The following NXN variants were observed in gnomAD, a reference collection of about 807,000 sequenced individuals.
NXN encodes the protein nucleoredoxin 1.
Under a neutral mutation model 48.6 loss-of-function variants are expected in NXN, and 16 were observed. That is an observed-to-expected ratio of 0.33 (90% confidence interval 0.22 to 0.50). The LOEUF (loss-of-function observed/expected upper bound fraction) is 0.50. Ranked by LOEUF, NXN falls within the 20% of genes least tolerant of loss-of-function variation. The pLI, the probability that NXN is intolerant of heterozygous loss-of-function variation, is 0.98. For synonymous variants in NXN, 281 were observed against 269.6 expected (o/e 1.04, Z -0.41); for missense variants, 492 against 605.5 (o/e 0.81, Z 1.97).
At position 857,940 on chromosome 17, in the gene NXN, C is replaced by A. The variant is rs546759182; in HGVS notation, c.361-31862G>T. Among the ~76,000 whole-genome samples the A allele has an allele frequency of 7.8e-4, 118 of 151,888 alleles. 1 individual carries two copies. The highest frequency in any genetic ancestry group is 2.8e-4 in the Non-Finnish European group (19 of 67,968). On this transcript the variant is annotated intron_variant, in intron 1 of 7. Transcript: ENST00000336868. Reference sequence around the variant, plus strand: ...ATTACTAACGTTTCTCTAACACCTGCTCATCTTCCTTTTTAACCAAAGATA... The same window carrying A: ...ATTACTAACGTTTCTCTAACACCTGATCATCTTCCTTTTTAACCAAAGATA...
At position 823,720 on chromosome 17, in the gene NXN, G is replaced by A; in HGVS notation, c.524C>T (p.Ala175Val). 1 of 1,614,136 alleles carries A rather than the reference G, an allele frequency of 6.2e-7. No homozygotes were observed. The highest frequency in any genetic ancestry group is 8.5e-7 in the Non-Finnish European group (1 of 1,180,000). ...WGPKPFREVI[A>V]GPLLRNNGQS... ...CCCATTGTTTCTAAGCAAGGGCCCT[G>A]CAATGACTTCCCTGAAGGGTTTCGG... Residue 175 changes from alanine to valine, a missense_variant, in exon 3 of 8, where the codon GCA (alanine) becomes GTA (valine). By Grantham distance (64) the Ala-to-Val change is moderately conservative (BLOSUM62 0). Coordinates refer to ENST00000336868, the MANE Select transcript of NXN (RefSeq NM_022463.5).
rs1353755696 is a variant in NXN at position 979,000 on chromosome 17, C to T, written c.360+319G>A. Among the ~76,000 whole-genome samples the T allele has an allele frequency of 6.7e-6, 1 of 149,242 alleles. No individual in the cohort carries two copies. The highest frequency in any genetic ancestry group is 1.5e-5 in the Non-Finnish European group (1 of 67,244). The stretch of plus-strand genomic sequence containing the variant: ...CCCAGCGTGTGCGGACGGAGGGGCT[C>T]GAGCCGGGATCCCGGGGGCCGAGGG... On this transcript the variant is annotated intron_variant, in intron 1 of 7. Transcript: ENST00000336868. The surrounding 1 kb of genome is among the most constrained non-coding windows in gnomAD (Gnocchi z 4.1).
intron 1 of NXN, among the ~76,000 whole-genome samples, chr17:926,749 T>TG (rs34507445): frequency 1 from 151,376 of 151,614 alleles, 75,571 homozygotes; most frequent in Non-Finnish European, 1. Flanking sequence ...TTCGTCATGT[T>TG]CCCAAGCTGC....
In NXN at chr17:812,149, G is replaced by C. The variant is rs9891710; in HGVS notation, c.821-6902C>G. ...TCACCGTGTTAGCCAGGACGGTCTC[G>C]ATCTCCTGACCTCGTGATCCGCCCG... On this transcript the variant is annotated intron_variant, in intron 5 of 7. Coordinates refer to ENST00000336868, the MANE Select transcript of NXN (RefSeq NM_022463.5). Among the ~76,000 whole-genome samples the C allele has an allele frequency of 1.9e-3, 292 of 150,932 alleles. 2 individuals are homozygous for C. The highest frequency in any genetic ancestry group is 6.8e-3 in the African/African-American group (281 of 41,024).
intron 1 of NXN, chr17:842,612 G>A: frequency 2.1e-6 from 2 of 973,806 alleles, no homozygotes; most frequent in Non-Finnish European, 2.4e-6. Flanking sequence ...TCACTCCCCA[G>A]GCAACTTGGC....
intron 1 of NXN, among the ~76,000 whole-genome samples, chr17:868,719 C>G (rs879933104): frequency 6.6e-6 from 1 of 152,124 alleles, no homozygotes; most frequent in Non-Finnish European, 1.5e-5. Context: ...GTCTCGATTT[C>G]CTGACCTCGT....
At chr17:878,306 G>C (rs2068240200) in intron 1 of NXN, 1 of 150,764 alleles carries the variant, frequency 6.6e-6, no homozygotes, top group African/African-American at 2.5e-5. Flanking sequence ...GGGGACCCTG[G>C]GGGTCGACCA....
chr17:870,881 C>G (rs956218252), intron 1 of NXN, among the ~76,000 whole-genome samples: 6 of 151,538 alleles, frequency 4.0e-5, no homozygotes, highest in African/African-American at 1.2e-4. Flanking sequence ...ATTTTTGAGA[C>G]AGAGTCTCAC....
In NXN at chr17:978,115, C is replaced by A. The variant is rs1175320210; in HGVS notation, c.360+1204G>T. ...AATCATGCTTCTCAACAAGATTCTGCACATATAAAAGGAACACGTGGCACG... is the reference window on the plus strand; with the variant it reads ...AATCATGCTTCTCAACAAGATTCTGAACATATAAAAGGAACACGTGGCACG... On this transcript the variant is annotated intron_variant, in intron 1 of 7. Coordinates refer to ENST00000336868, the MANE Select transcript of NXN (RefSeq NM_022463.5). The surrounding 1 kb of genome is among the most constrained non-coding windows in gnomAD (Gnocchi z 4.1). Among the ~76,000 whole-genome samples the A allele has an allele frequency of 3.9e-5, 6 of 152,162 alleles. No homozygotes were observed. The highest frequency in any genetic ancestry group is 1.4e-4 in the African/African-American group (6 of 41,438).
At chr17:954,395 G>A (rs969099570) in intron 1 of NXN, among the ~76,000 whole-genome samples, 1 of 152,090 alleles carries the variant, frequency 6.6e-6, no homozygotes, top group African/African-American at 2.4e-5. Context: ...AAAAAGAAAC[G>A]CTTCCCGCTC....
Position 823,619 on chromosome 17 carries a change from T to C in NXN, c.612+13A>G. On this transcript the variant is annotated intron_variant, in intron 3 of 7. Transcript: ENST00000336868. Reference sequence around the variant, plus strand: ...TTCCTTCTGTCTGAGCCAAAGGGGGTCCAAACACTCACCCAATGTGCGGAG... The same window carrying C: ...TTCCTTCTGTCTGAGCCAAAGGGGGCCCAAACACTCACCCAATGTGCGGAG... 6.2e-7 allele frequency: 1 copy of C among 1,612,906 alleles called. No individual in the cohort carries two copies. The highest frequency in any genetic ancestry group is 8.5e-7 in the Non-Finnish European group (1 of 1,179,604).
At chr17:910,217 G>C (rs1031688764) in intron 1 of NXN, among the ~76,000 whole-genome samples, 1 of 152,104 alleles carries the variant, frequency 6.6e-6, no homozygotes, top group Non-Finnish European at 1.5e-5. Context: ...ACGGAGACCA[G>C]CCTGGCCAAC....
At chr17:814,197 T>TGTC (rs1555609691) in intron 5 of NXN, among the ~76,000 whole-genome samples, 2 of 28,188 alleles carry the variant, frequency 7.1e-5, no homozygotes, top group Non-Finnish European at 1.5e-4. Context: ...GGAAGGCAGA[T>TGTC]GTAGTGAGCA....
At chr17:890,866 G>T (rs2068409194) in intron 1 of NXN, among the ~76,000 whole-genome samples, 1 of 152,240 alleles carries the variant, frequency 6.6e-6, no homozygotes, top group Non-Finnish European at 1.5e-5. Context: ...CAGGGGGATA[G>T]AATTCTTGCT....
In NXN at chr17:902,451, G is replaced by A. The variant is rs550761688; in HGVS notation, c.361-76373C>T. Among the ~76,000 whole-genome samples, 5 of 152,258 alleles carry A rather than the reference G, an allele frequency of 3.3e-5. No homozygotes were observed. In the South Asian group the frequency reaches 1.0e-3, roughly 32 times the overall value. ...CAGAAACAGATTTACTAGGGAGAAG[G>A]CAGTGGAGAGAAAAAGGCGACACAA... On this transcript the variant is annotated intron_variant, in intron 1 of 7. Transcript: ENST00000336868.
chr17:845,955 C>A (rs755987093), intron 1 of NXN, among the ~76,000 whole-genome samples: 5 of 152,028 alleles, frequency 3.3e-5, no homozygotes, highest in Admixed American at 6.5e-5. Flanking sequence ...CCCAGCTACT[C>A]GAGAGGCTGA....
At chr17:943,256 A>C (rs1348314772) in intron 1 of NXN, among the ~76,000 whole-genome samples, 2 of 152,120 alleles carry the variant, frequency 1.3e-5, no homozygotes, top group African/African-American at 4.8e-5. Flanking sequence ...TCCTGCATGA[A>C]GTTACCCAGC....
At chr17:812,962 A>G (rs1016913868) in intron 5 of NXN, among the ~76,000 whole-genome samples, 4 of 144,550 alleles carry the variant, frequency 2.8e-5, no homozygotes, top group Non-Finnish European at 6.0e-5. Flanking sequence ...GTAGGTGTGC[A>G]TGTTTGTAGG....
Position 812,858 on chromosome 17 carries a change from GTAGGT to G in NXN, c.820+6576_820+6580del, listed in dbSNP as rs969978025. On this transcript the variant is annotated intron_variant, in intron 5 of 7. Coordinates refer to ENST00000336868, the MANE Select transcript of NXN (RefSeq NM_022463.5). Reference sequence around the variant, plus strand: ...TGTGAGTGTAGGTGTGTGCATGTGTGTAGGTGTGTGTGGGTGTGTGCGCACATGTG... The same window carrying G: ...TGTGAGTGTAGGTGTGTGCATGTGTGGTGTGTGGGTGTGTGCGCACATGTG... 8.1e-5 allele frequency among the ~76,000 whole-genome samples: 11 copies of G among 136,374 alleles called. No individual in the cohort carries two copies. In the Admixed American group the frequency reaches 8.2e-4, roughly 10 times the overall value. 89.5% of individuals were successfully genotyped at this position (136,374 alleles called of 152,430 possible).
Sources: gnomAD v4.1 joint callset for allele counts (sites outside exome capture counted in the v4.1 genomes callset) on GRCh38, gnomAD v4.1.1 for gene constraint, Gnocchi (gnomAD v3.1) non-coding constraint, MANE v1.5 for transcripts, NCBI Gene and HGNC (gene_info 2026-07-23, HGNC 2026-07-21) for gene names.